ARHGEF4: variants seen among roughly 807,000 people sequenced by gnomAD.
The protein encoded by ARHGEF4 is Rho guanine nucleotide exchange factor 4.
In ARHGEF4, 119 loss-of-function variants were observed where a neutral mutation model predicts 162.0. That is an observed-to-expected ratio of 0.73 (90% CI 0.63 to 0.86). The LOEUF (loss-of-function observed/expected upper bound fraction) is 0.86. Among genes scored for constraint, ARHGEF4 ranks in the 40% least tolerant of loss-of-function variants. ARHGEF4 has a pLI of 0.00. For synonymous variants in ARHGEF4, 1,014 were observed against 979.9 expected (o/e 1.03, Z -0.65); for missense variants, 2,488 against 2,456.0 (o/e 1.01, Z -0.28).
chr2:130,854,819 C>T (rs899828098), intron 1 of ARHGEF4, among the ~76,000 whole-genome samples: 6 of 152,036 alleles, frequency 3.9e-5, no homozygotes, highest in African/African-American at 9.7e-5. Flanking sequence ...AAAGGCAGGG[C>T]GTGCAGCTTT....
At chr2:130,913,013 G>T (rs919631845) in intron 1 of ARHGEF4, among the ~76,000 whole-genome samples, 3 of 152,096 alleles carry the variant, frequency 2.0e-5, no homozygotes, top group Non-Finnish European at 4.4e-5. Context: ...CTTACACTTT[G>T]TCATAGGTAT....
At chr2:130,902,225 A>ACCCT (rs971087864) in intron 1 of ARHGEF4, among the ~76,000 whole-genome samples, 4 of 151,412 alleles carry the variant, frequency 2.6e-5, no homozygotes, top group Non-Finnish European at 4.4e-5. Flanking sequence ...CAAGCTTTTA[A>ACCCT]CCCTCCCTCC....
intron 4 of ARHGEF4, 88 bp from the exon 5 acceptor site, chr2:131,027,857 T>A: frequency 6.6e-7 from 1 of 1,523,280 alleles, no homozygotes; most frequent in South Asian, 1.2e-5. Flanking sequence ...GCATTTGTCC[T>A]GAACCCACTG....
At chr2:131,013,838 T>TG (rs1688620507) in intron 4 of ARHGEF4, among the ~76,000 whole-genome samples, 1 of 152,132 alleles carries the variant, frequency 6.6e-6, no homozygotes, top group Admixed American at 6.6e-5. Context: ...TGAGATCAAG[T>TG]GACCCACCCG....
chr2:131,008,168 A>AATTT (rs1385605761), intron 4 of ARHGEF4, among the ~76,000 whole-genome samples: 1 of 151,906 alleles, frequency 6.6e-6, no homozygotes, highest in East Asian at 1.9e-4. Context: ...AATGTACCTT[A>AATTT]ATTTATTTTA....
At chr2:130,899,716 T>C (rs939257414) in intron 1 of ARHGEF4, among the ~76,000 whole-genome samples, 5 of 151,680 alleles carry the variant, frequency 3.3e-5, no homozygotes, top group African/African-American at 1.2e-4. Context: ...TGGAAGAGGG[T>C]GATGGCTTGA....
intron 5 of ARHGEF4, chr2:131,035,872 C>G: frequency 3.0e-6 from 3 of 985,368 alleles, no homozygotes; most frequent in Non-Finnish European, 3.6e-6. Context: ...GTGGCGGTCA[C>G]AGGGAGTAGC....
rs968228387 is a variant in ARHGEF4, at chr2:130,884,304, A to G, written c.40-29682A>G. On this transcript the variant is annotated intron_variant, in intron 1 of 13. Transcript: ENST00000409359. ...CACACAGACACACATAGGCACGTGC[A>G]CACACACACACACACCCACACTATA... 6.2e-4 allele frequency among the ~76,000 whole-genome samples: 94 copies of G among 151,468 alleles called. 1 individual carries two copies. Among genetic ancestry groups the G allele is most frequent in the African/African-American group, 2.2e-3 (89 of 41,258 alleles).
chr2:130,901,506 G>A (rs1680486450), intron 1 of ARHGEF4, among the ~76,000 whole-genome samples: 1 of 151,152 alleles, frequency 6.6e-6, no homozygotes, highest in African/African-American at 2.5e-5. Flanking sequence ...TCTCCCCTGC[G>A]ATCCAGAGCC....
intron 1 of ARHGEF4, among the ~76,000 whole-genome samples, chr2:130,906,370 G>A (rs760172789): frequency 6.6e-6 from 1 of 152,154 alleles, no homozygotes; most frequent in Non-Finnish European, 1.5e-5. Context: ...TATTTATGTT[G>A]TTTCATTATC....
chr2:131,012,268 A>G (rs1257022078), intron 4 of ARHGEF4, among the ~76,000 whole-genome samples: 3 of 152,096 alleles, frequency 2.0e-5, no homozygotes, highest in Admixed American at 6.5e-5. Flanking sequence ...TTTCCCCTCC[A>G]AGGAGAACCT....
At chr2:130,905,230 A>G (rs545298045) in intron 1 of ARHGEF4, among the ~76,000 whole-genome samples, 1 of 152,212 alleles carries the variant, frequency 6.6e-6, no homozygotes, top group African/African-American at 2.4e-5. Context: ...TAAGTTTTTA[A>G]TGGCTGTTTA....
intron 5 of ARHGEF4, chr2:131,034,912 G>C: frequency 1.1e-6 from 1 of 913,132 alleles, no homozygotes; most frequent in Non-Finnish European, 1.3e-6. Flanking sequence ...CAGCCGGCTT[G>C]GTTGCCAGGG....
intron 1 of ARHGEF4, among the ~76,000 whole-genome samples, chr2:130,907,956 CAA>C (rs533297292): frequency 6.5e-5 from 8 of 123,290 alleles, no homozygotes; most frequent in Admixed American, 1.7e-4. Context: ...GACTCTGTCT[CAA>C]AAAAAAAAAA....
At chr2:130,975,880 G>A (rs1253118465) in intron 4 of ARHGEF4, among the ~76,000 whole-genome samples, 1 of 152,210 alleles carries the variant, frequency 6.6e-6, no homozygotes, top group Non-Finnish European at 1.5e-5. Flanking sequence ...GAGGACTGCT[G>A]AGGGAGGTGG....
At chr2:130,867,904 A>G (rs1682401526) in intron 1 of ARHGEF4, among the ~76,000 whole-genome samples, 1 of 151,292 alleles carries the variant, frequency 6.6e-6, no homozygotes, top group Non-Finnish European at 1.5e-5. Flanking sequence ...TGGTGGGAGC[A>G]AGGTGGATGT....
At chr2:130,973,179 A>G (rs1396324390) in intron 4 of ARHGEF4, among the ~76,000 whole-genome samples, 2 of 152,260 alleles carry the variant, frequency 1.3e-5, no homozygotes, top group African/African-American at 4.8e-5. Flanking sequence ...TAAAGTTGCA[A>G]TCAAGTTAAC....
At chr2:130,918,634 T>C (rs1681678536) in intron 2 of ARHGEF4, among the ~76,000 whole-genome samples, 2 of 152,172 alleles carry the variant, frequency 1.3e-5, no homozygotes, top group African/African-American at 4.8e-5. Flanking sequence ...GATAAGGTGC[T>C]GGCAGAGCGC....
Position 130,956,390 on chromosome 2 carries a change from A to C in ARHGEF4, c.3985+9755A>C, listed in dbSNP as rs1323809032. On this transcript the variant is annotated intron_variant, in intron 4 of 13. Coordinates refer to ENST00000409359, the MANE Select transcript of ARHGEF4 (RefSeq NM_001367493.1). ...GTTGGTGGGACTGTAAACTAGTTCAACCATTGTGGAAGTCAGTGTGGCGAC... is the reference window on the plus strand; with the variant it reads ...GTTGGTGGGACTGTAAACTAGTTCACCCATTGTGGAAGTCAGTGTGGCGAC... Among the ~76,000 whole-genome samples the C allele has an allele frequency of 2.6e-5, 4 of 152,056 alleles. No individual in the cohort carries two copies. The South Asian group carries it at 8.3e-4, about 32-fold the overall frequency.
Sources: gnomAD v4.1 joint callset for allele counts (sites outside exome capture counted in the v4.1 genomes callset) on GRCh38, gnomAD v4.1.1 for gene constraint, MANE v1.5 for transcripts, NCBI Gene and HGNC (gene_info 2026-07-23, HGNC 2026-07-21) for gene names.